The following SDC2 variants were observed in gnomAD, a reference collection of about 807,000 sequenced individuals.
SDC2 encodes syndecan 2, also known as syndecan-2.
A neutral mutation model predicts 22.2 loss-of-function variants in SDC2; 13 were observed. The ratio of observed to expected loss-of-function variants is 0.59; its 90% CI spans 0.38 to 0.93. The LOEUF (loss-of-function observed/expected upper bound fraction) is 0.93, where lower values mean the gene tolerates loss of function less well. Ranked by LOEUF, SDC2 falls within the 40% of genes least tolerant of loss-of-function variation. SDC2 has a pLI of 0.00. For synonymous variants in SDC2, 94 were observed against 92.8 expected (o/e 1.01, Z -0.07); for missense variants, 235 against 246.8 (o/e 0.95, Z 0.32).
intron 1 of SDC2, among the ~76,000 whole-genome samples, chr8:96,517,746 TAA>T (rs1367527297): frequency 2.4e-5 from 2 of 84,068 alleles, no homozygotes; most frequent in Non-Finnish European, 4.9e-5. Flanking sequence ...TGTGTGTGCA[TAA>T]ATACACACGT....
chr8:96,545,904 G>A (rs1270924265), intron 1 of SDC2, among the ~76,000 whole-genome samples: 1 of 152,220 alleles, frequency 6.6e-6, no homozygotes, highest in African/African-American at 2.4e-5. Context: ...TCGGAGTTAA[G>A]ATGGGGACAC....
At chr8:96,540,367 G>A (rs1443028701) in intron 1 of SDC2, among the ~76,000 whole-genome samples, 2 of 74,114 alleles carry the variant, frequency 2.7e-5, no homozygotes, top group Admixed American at 1.3e-4. Context: ...AAAATTAGTC[G>A]GGTGTGGCAG....
At chr8:96,548,883 G>A (rs913925443) in intron 1 of SDC2, among the ~76,000 whole-genome samples, 3 of 152,222 alleles carry the variant, frequency 2.0e-5, no homozygotes, top group African/African-American at 4.8e-5. Context: ...GCCTATGGCA[G>A]TGAAAAAGCT....
chr8:96,590,382 G>A (rs189667287), intron 1 of SDC2, among the ~76,000 whole-genome samples: 9 of 152,332 alleles, frequency 5.9e-5, no homozygotes, highest in East Asian at 1.9e-4. Context: ...GTCCCATTGA[G>A]TAAGGGAGTG....
chr8:96,508,099 A>G (rs913838476), intron 1 of SDC2, among the ~76,000 whole-genome samples: 4 of 152,134 alleles, frequency 2.6e-5, no homozygotes, highest in Admixed American at 6.5e-5. Context: ...GATCAAGACC[A>G]TCTTGGCTAA....
At chr8:96,600,529 T>C (rs1420405123) in intron 2 of SDC2, among the ~76,000 whole-genome samples, 3 of 152,204 alleles carry the variant, frequency 2.0e-5, no homozygotes, top group Non-Finnish European at 2.9e-5. Context: ...TGTTAGGCAC[T>C]CAGGGGCCTA....
chr8:96,531,736 A>G (rs1224960277), intron 1 of SDC2, among the ~76,000 whole-genome samples: 1 of 152,240 alleles, frequency 6.6e-6, no homozygotes, highest in African/African-American at 2.4e-5. Flanking sequence ...GCGTGGTTTT[A>G]TAAATCTGTT....
chr8:96,583,725 A>G (rs1013871726), intron 1 of SDC2, among the ~76,000 whole-genome samples: 27 of 149,916 alleles, frequency 1.8e-4, no homozygotes, highest in African/African-American at 6.1e-4. Flanking sequence ...GTGTATATAT[A>G]TATATGAGAA....
chr8:96,508,646 G>A (rs1813286067), intron 1 of SDC2, among the ~76,000 whole-genome samples: 1 of 141,932 alleles, frequency 7.0e-6, no homozygotes, highest in Non-Finnish European at 1.6e-5. Flanking sequence ...CATTACCACA[G>A]CCTTCTCCTA....
At chr8:96,540,346 A>T (rs552731986) in intron 1 of SDC2, among the ~76,000 whole-genome samples, 1 of 146,798 alleles carries the variant, frequency 6.8e-6, no homozygotes, top group South Asian at 2.1e-4. Context: ...ATGTGTATAT[A>T]TATATATATA....
intron 1 of SDC2, among the ~76,000 whole-genome samples, chr8:96,576,418 T>TTTTTTC (rs1302707084): frequency 4.3e-5 from 1 of 23,396 alleles, no homozygotes; most frequent in Non-Finnish European, 1.5e-4. Context: ...ATTATTCTCT[T>TTTTTTC]TTTTTTTTTT....
At chr8:96,576,384 G>T (rs2439513) in intron 1 of SDC2, among the ~76,000 whole-genome samples, 34,844 of 47,060 alleles carry the variant, frequency 0.74, 13,730 homozygotes, top group Non-Finnish European at 0.82. Flanking sequence ...GTTTTGTTTT[G>T]TTTTTTTTTA....
At chr8:96,523,018 C>G (rs998096232) in intron 1 of SDC2, among the ~76,000 whole-genome samples, 1 of 152,124 alleles carries the variant, frequency 6.6e-6, no homozygotes, top group South Asian at 2.1e-4. Context: ...ACGTATCCTC[C>G]CTTTCAGAGC....
intron 1 of SDC2, among the ~76,000 whole-genome samples, chr8:96,509,066 C>A (rs1275331302): frequency 7.0e-6 from 1 of 142,208 alleles, no homozygotes; most frequent in Admixed American, 7.0e-5. Context: ...AAACTTCAGT[C>A]TGGTAATGGG....
chr8:96,562,271 A>G lies in SDC2; in HGVS notation c.61-31209A>G, dbSNP rs367746059. ...GAAAAGACAGTCCTTTCTCCATTGT[A>G]TTGCCTTTGCTCCTTTGTCAAAGAT... On this transcript the variant is annotated intron_variant, in intron 1 of 4. Transcript: ENST00000302190. 3.3e-5 allele frequency among the ~76,000 whole-genome samples: 5 copies of G among 152,114 alleles called. No homozygotes were observed. The East Asian group carries it at 7.7e-4, about 23-fold the overall frequency.
intron 1 of SDC2, among the ~76,000 whole-genome samples, chr8:96,592,508 A>AT (rs1292861836): frequency 1.6e-4 from 24 of 152,072 alleles, no homozygotes; most frequent in African/African-American, 5.8e-4. Context: ...CTGCTTTATT[A>AT]TTTTTTTCCT....
At chr8:96,590,371 G>A (rs1814759137) in intron 1 of SDC2, among the ~76,000 whole-genome samples, 1 of 152,294 alleles carries the variant, frequency 6.6e-6, no homozygotes, top group African/African-American at 2.4e-5. Context: ...CCAGCGTCTC[G>A]GTCCCATTGA....
At chr8:96,529,723 C>G (rs543881581) in intron 1 of SDC2, among the ~76,000 whole-genome samples, 1 of 152,270 alleles carries the variant, frequency 6.6e-6, no homozygotes, top group South Asian at 2.1e-4. Flanking sequence ...TCCTCTCCAT[C>G]TCCCTCCTTC....
intron 1 of SDC2, among the ~76,000 whole-genome samples, chr8:96,574,512 G>A (rs1814454313): frequency 6.6e-6 from 1 of 152,124 alleles, no homozygotes; most frequent in African/African-American, 2.4e-5. Flanking sequence ...AGAAGTAACT[G>A]CCCTTCCCCA....
Sources: allele counts gnomAD v4.1 joint callset (sites outside exome capture counted in the v4.1 genomes callset), GRCh38; gene constraint gnomAD v4.1.1; transcripts MANE v1.5; gene names NCBI Gene and HGNC (gene_info 2026-07-23, HGNC 2026-07-21).